Variants in ESYT2 observed in about 807,000 individuals in gnomAD.
The protein encoded by ESYT2 is extended synaptotagmin-2.
Under a neutral mutation model 107.2 loss-of-function variants are expected in ESYT2, and 54 were observed. The ratio of observed to expected loss-of-function variants is 0.50; its 90% CI spans 0.40 to 0.63. ESYT2 has a LOEUF of 0.63. Among genes scored for constraint, ESYT2 ranks in the 30% least tolerant of loss-of-function variants. ESYT2 has a pLI of 0.00. For missense variants in ESYT2, 1,020 were observed against 1,094.5 expected, an observed-to-expected ratio of 0.93 and a Z score of 0.96; for synonymous variants, 491 against 434.1, an observed-to-expected ratio of 1.13 and a Z score of -1.63.
At position 158,829,444 on chromosome 7, in the gene ESYT2, C is replaced by T. The variant is rs1242139312; in HGVS notation, c.-26G>A. The T allele has an allele frequency of 3.4e-6, 4 of 1,188,578 alleles. No individual in the cohort carries two copies. The highest frequency in any genetic ancestry group is 4.5e-5 in the Admixed American group (1 of 22,094). 73.6% of individuals were successfully genotyped at this position (1,188,578 alleles called of 1,614,324 possible). ...CGCCCCGCAGTGCCGCGCTGCCCTCCCGGCCGAGGCGGGCTGGGTGCTCGC... is the reference window on the plus strand; with the variant it reads ...CGCCCCGCAGTGCCGCGCTGCCCTCTCGGCCGAGGCGGGCTGGGTGCTCGC... On this transcript the variant is annotated 5_prime_UTR_variant, in exon 1 of 23. Coordinates refer to ENST00000275418, the MANE Select transcript of ESYT2 (RefSeq NM_001367773.1).
At chr7:158,738,353 A>C (rs1271974804) in intron 19 of ESYT2, among the ~76,000 whole-genome samples, 3 of 108,064 alleles carry the variant, frequency 2.8e-5, no homozygotes, top group Non-Finnish European at 6.0e-5. Flanking sequence ...AGACACACAC[A>C]CACACACACA....
chr7:158,741,001 G>A (rs60721428), intron 18 of ESYT2, among the ~76,000 whole-genome samples: 35,735 of 151,856 alleles, frequency 0.24, 5,052 homozygotes, highest in East Asian at 0.59. Context: ...TTTTTCCTCC[G>A]TATCTAAAGA....
chr7:158,757,366 C>A (rs1370553572), intron 13 of ESYT2, among the ~76,000 whole-genome samples: 1 of 152,190 alleles, frequency 6.6e-6, no homozygotes, highest in Non-Finnish European at 1.5e-5. Flanking sequence ...GGTATTTTCA[C>A]AAAACACTAG....
At chr7:158,764,877 T>C in intron 8 of ESYT2, 24 bp from the exon 9 acceptor site, 2 of 1,609,208 alleles carry the variant, frequency 1.2e-6, no homozygotes, top group Non-Finnish European at 1.7e-6. Context: ...CAAACTGAAG[T>C]TTAGACCCTT....
intron 5 of ESYT2, 101 bp downstream of exon 5, chr7:158,788,244 A>G: frequency 1.6e-6 from 2 of 1,289,726 alleles, no homozygotes; most frequent in South Asian, 1.4e-5. Context: ...CTGAACGTCA[A>G]AAAAATTCCA....
intron 2 of ESYT2, among the ~76,000 whole-genome samples, chr7:158,798,741 G>C (rs1374043644): frequency 6.8e-6 from 1 of 147,874 alleles, no homozygotes; most frequent in African/African-American, 2.5e-5. Flanking sequence ...TAAAACTTAT[G>C]ATTGTTATAA....
At chr7:158,798,604 C>CCATTG (rs1197996875) in intron 2 of ESYT2, among the ~76,000 whole-genome samples, 3 of 128,586 alleles carry the variant, frequency 2.3e-5, no homozygotes, top group Non-Finnish European at 3.1e-5. Flanking sequence ...CGAGATCATG[C>CCATTG]CATTGCACTC....
At chr7:158,819,936 T>C (rs1840244552) in intron 1 of ESYT2, among the ~76,000 whole-genome samples, 1 of 152,218 alleles carries the variant, frequency 6.6e-6, no homozygotes, top group Non-Finnish European at 1.5e-5. Context: ...GCTGTTGGTG[T>C]GGTTATCACT....
At chr7:158,758,924 A>C (rs1247097087) in intron 13 of ESYT2, among the ~76,000 whole-genome samples, 3 of 152,222 alleles carry the variant, frequency 2.0e-5, no homozygotes, top group Non-Finnish European at 2.9e-5. Flanking sequence ...ACAAAAATAT[A>C]TGCTTCTAGG....
At chr7:158,743,397 G>A (rs779235275) in intron 17 of ESYT2, 132 bp downstream of exon 17, 17 of 1,135,514 alleles carry the variant, frequency 1.5e-5, no homozygotes, top group African/African-American at 1.6e-5. Context: ...CTGCACCGGC[G>A]CCCTCCTGCG....
chr7:158,828,784 TAGCGGGCAGGTCGCC>T (rs1840534083), intron 1 of ESYT2, among the ~76,000 whole-genome samples: 1 of 133,978 alleles, frequency 7.5e-6, no homozygotes, highest in Non-Finnish European at 1.7e-5. Flanking sequence ...GCACTCGCCC[TAGCGGGCAGGTCGCC>T]AGCAGGCTGG....
intron 1 of ESYT2, among the ~76,000 whole-genome samples, chr7:158,801,714 CTAGAAA>C (rs1455627977): frequency 4.6e-5 from 7 of 152,228 alleles, no homozygotes; most frequent in African/African-American, 1.4e-4. Flanking sequence ...TCTGTATGAA[CTAGAAA>C]TAATCATTGT....
At chr7:158,804,557 G>GGC (rs1422468328) in intron 1 of ESYT2, among the ~76,000 whole-genome samples, 15 of 150,898 alleles carry the variant, frequency 9.9e-5, no homozygotes, top group African/African-American at 3.2e-4. Flanking sequence ...AGAAGGGTGA[G>GGC]GCGTGTGATA....
intron 16 of ESYT2, chr7:158,743,883 G>T: frequency 2.1e-6 from 1 of 487,598 alleles, no homozygotes; most frequent in African/African-American, 2.1e-5. Context: ...GACCAGCCTG[G>T]CCAACATGGT....
chr7:158,779,159 T>C (rs1838681408), intron 6 of ESYT2, among the ~76,000 whole-genome samples: 1 of 152,164 alleles, frequency 6.6e-6, no homozygotes. Flanking sequence ...GCTTCTTGCC[T>C]ATCAAAACAA....
At chr7:158,790,059 G>A (rs1014027147) in intron 4 of ESYT2, among the ~76,000 whole-genome samples, 2 of 152,028 alleles carry the variant, frequency 1.3e-5, no homozygotes, top group African/African-American at 4.8e-5. Context: ...CGTCCTCCTG[G>A]GGGCGGAGCG....
intron 13 of ESYT2, among the ~76,000 whole-genome samples, chr7:158,758,770 G>A (rs1837855674): frequency 6.6e-6 from 1 of 152,200 alleles, no homozygotes; most frequent in Non-Finnish European, 1.5e-5. Context: ...ATCCTCACTA[G>A]CAGGGTTTAA....
At chr7:158,735,239 G>T (rs1248024365) in intron 21 of ESYT2, among the ~76,000 whole-genome samples, 1 of 152,198 alleles carries the variant, frequency 6.6e-6, no homozygotes, top group Non-Finnish European at 1.5e-5. Context: ...AAAAAGAGCA[G>T]AGCCATCAGT....
intron 6 of ESYT2, among the ~76,000 whole-genome samples, chr7:158,782,426 A>T (rs1009210228): frequency 6.7e-6 from 1 of 149,836 alleles, no homozygotes; most frequent in Non-Finnish European, 1.5e-5. Flanking sequence ...GTGAGAACAA[A>T]GTGAGGTGTG....
Sources: gnomAD v4.1 joint callset for allele counts (sites outside exome capture counted in the v4.1 genomes callset) on GRCh38, gnomAD v4.1.1 for gene constraint, MANE v1.5 for transcripts, NCBI Gene and HGNC (gene_info 2026-07-23, HGNC 2026-07-21) for gene names.